R3HDM1: variants seen among roughly 807,000 people sequenced by gnomAD.
R3HDM1 encodes R3H domain containing 1.
Under a neutral mutation model 141.1 loss-of-function variants are expected in R3HDM1, and 46 were observed. That is an observed-to-expected ratio of 0.33 (90% CI 0.26 to 0.42). The LOEUF is 0.42. R3HDM1 is among the 10% of genes least tolerant of loss of function. The pLI, the probability that R3HDM1 is intolerant of heterozygous loss-of-function variation, is 1.00. For missense variants in R3HDM1, 1,184 were observed against 1,368.3 expected (o/e 0.87, Z 2.12); for synonymous variants, 435 against 472.9 (o/e 0.92, Z 1.04).
At chr2:135,611,858 A>T (rs2060581050) in intron 3 of R3HDM1, among the ~76,000 whole-genome samples, 1 of 152,188 alleles carries the variant, frequency 6.6e-6, no homozygotes, top group African/African-American at 2.4e-5. Context: ...TACATCTTGT[A>T]GATGTAGAAA....
At chr2:135,593,954 A>G (rs1264403257) in intron 1 of R3HDM1, among the ~76,000 whole-genome samples, 1 of 152,166 alleles carries the variant, frequency 6.6e-6, no homozygotes, top group Admixed American at 6.5e-5. Flanking sequence ...TTCTGACCTC[A>G]GGTGATCCGC....
At chr2:135,675,744 T>C (rs2069079855) in intron 20 of R3HDM1, among the ~76,000 whole-genome samples, 1 of 152,232 alleles carries the variant, frequency 6.6e-6, no homozygotes, top group Non-Finnish European at 1.5e-5. Flanking sequence ...CACATTGATA[T>C]TGGCAAGTTA....
At chr2:135,574,598 ATAT>A (rs1365556180) in intron 1 of R3HDM1, among the ~76,000 whole-genome samples, 6 of 152,210 alleles carry the variant, frequency 3.9e-5, no homozygotes, top group Non-Finnish European at 2.9e-5. Flanking sequence ...GCTAAATTAA[ATAT>A]TATCATTGTG....
At chr2:135,702,681 G>A (rs2074393916) in intron 21 of R3HDM1, among the ~76,000 whole-genome samples, 2 of 151,548 alleles carry the variant, frequency 1.3e-5, no homozygotes, top group African/African-American at 2.4e-5. Flanking sequence ...ATCAGGCATG[G>A]TGATGTGTGC....
rs111228222 is a variant in R3HDM1 at position 135,614,327 on chromosome 2, T to C, written c.172-1825T>C. On this transcript the variant is annotated intron_variant, in intron 3 of 26. Transcript: ENST00000683871. ...TTTTTTTAAATTAGCATTTGTTAGA[T>C]TAAGTAATTTTTCTTAATCTCATTG... 8.1e-4 allele frequency among the ~76,000 whole-genome samples: 123 copies of C among 152,294 alleles called. 1 individual carries two copies. The highest frequency in any genetic ancestry group is 2.8e-3 in the African/African-American group (118 of 41,576).
intron 20 of R3HDM1, among the ~76,000 whole-genome samples, chr2:135,679,386 G>T (rs1473017474): frequency 6.6e-6 from 1 of 152,078 alleles, no homozygotes; most frequent in African/African-American, 2.4e-5. Flanking sequence ...AATGGAGGTG[G>T]TGTTTCCATT....
intron 1 of R3HDM1, among the ~76,000 whole-genome samples, chr2:135,557,374 A>C (rs1248507663): frequency 2.0e-5 from 3 of 151,692 alleles, no homozygotes; most frequent in Admixed American, 1.3e-4. Flanking sequence ...TGATTATTCT[A>C]CTCCTGCACT....
chr2:135,617,170 C>G (rs1227069337), intron 5 of R3HDM1, among the ~76,000 whole-genome samples: 4 of 151,682 alleles, frequency 2.6e-5, no homozygotes, highest in Admixed American at 2.0e-4. Flanking sequence ...AAAAAAAATA[C>G]AAAAAAATTA....
At chr2:135,561,382 C>T (rs955489433) in intron 1 of R3HDM1, 44 of 934,142 alleles carry the variant, frequency 4.7e-5, no homozygotes, top group Admixed American at 3.1e-4. Context: ...GGTCTGTTAA[C>T]GTGGAGAAAA....
intron 19 of R3HDM1, chr2:135,665,514 TG>T (rs746879989): frequency 1.1e-5 from 6 of 525,834 alleles, no homozygotes; most frequent in Admixed American, 9.9e-5. Flanking sequence ...ACTGCTTTTT[TG>T]CTTTTTTTAA....
At chr2:135,585,474 G>T (rs951524149) in intron 1 of R3HDM1, among the ~76,000 whole-genome samples, 1 of 152,152 alleles carries the variant, frequency 6.6e-6, no homozygotes, top group Non-Finnish European at 1.5e-5. Flanking sequence ...CAACATTCCT[G>T]TATGCTTTTG....
At chr2:135,556,836 G>A (rs972164878) in intron 1 of R3HDM1, among the ~76,000 whole-genome samples, 3 of 151,706 alleles carry the variant, frequency 2.0e-5, no homozygotes, top group African/African-American at 7.3e-5. Context: ...TCATTTTGAA[G>A]CAACACTTAC....
intron 1 of R3HDM1, among the ~76,000 whole-genome samples, chr2:135,562,608 T>C (rs1702004729): frequency 1.3e-5 from 2 of 152,188 alleles, no homozygotes. Flanking sequence ...AAAAATCTTA[T>C]CTCCTTAATT....
intron 16 of R3HDM1, among the ~76,000 whole-genome samples, chr2:135,647,029 A>G (rs1222622898): frequency 6.6e-6 from 1 of 152,176 alleles, no homozygotes; most frequent in Non-Finnish European, 1.5e-5. Context: ...CATAAAAAAT[A>G]ATTGTACTTC....
intron 1 of R3HDM1, among the ~76,000 whole-genome samples, chr2:135,589,635 G>A (rs533879248): frequency 1.6e-4 from 24 of 152,202 alleles, no homozygotes; most frequent in African/African-American, 5.8e-4. Context: ...CTGAAGCCCA[G>A]TTAACACTGC....
At chr2:135,649,451 G>A (rs1248283369) in intron 16 of R3HDM1, 2 of 152,104 alleles carry the variant, frequency 1.3e-5, no homozygotes, top group African/African-American at 4.8e-5. Context: ...TAGTTATTGT[G>A]TAAGTTATTA....
At chr2:135,708,211 T>A (rs1164343697) in intron 21 of R3HDM1, among the ~76,000 whole-genome samples, 2 of 152,344 alleles carry the variant, frequency 1.3e-5, no homozygotes, top group East Asian at 3.8e-4. Flanking sequence ...CCACATAATA[T>A]CATTTTATAT....
rs371101157 is a variant in R3HDM1, at chr2:135,724,960, A to T, written c.*668A>T. 11 of 152,682 alleles carry T rather than the reference A, an allele frequency of 7.2e-5. No individual in the cohort carries two copies. Among genetic ancestry groups the T allele is most frequent in the Admixed American group, 4.6e-4 (7 of 15,284 alleles). The allele number at this position is 152,682 out of a possible 1,614,324, so 9.5% of individuals were successfully genotyped here. ...CACTTACATTCAAAGGGGAACAGAA[A>T]TCATTCTAAGCAGGAAAATACTTCC... On this transcript the variant is annotated 3_prime_UTR_variant, in exon 27 of 27. Transcript: ENST00000683871.
intron 7 of R3HDM1, among the ~76,000 whole-genome samples, chr2:135,627,190 A>C (rs1217335983): frequency 2.0e-5 from 3 of 152,206 alleles, no homozygotes; most frequent in African/African-American, 7.2e-5. Flanking sequence ...ATTGCCAGCT[A>C]TACCTGGTAC....
Sources: gnomAD v4.1 joint callset for allele counts (sites outside exome capture counted in the v4.1 genomes callset) on GRCh38, gnomAD v4.1.1 for gene constraint, MANE v1.5 for transcripts, NCBI Gene and HGNC (gene_info 2026-07-23, HGNC 2026-07-21) for gene names.